The following ARB2A variants were observed in gnomAD, a reference collection of about 807,000 sequenced individuals.
ARB2A encodes ARB2 cotranscriptional regulator A.
the ARB2A span, among the ~76,000 whole-genome samples, chr5:94,022,850 G>A: frequency 6.6e-6 from 1 of 152,196 alleles, no homozygotes; most frequent in Non-Finnish European, 1.5e-5. Flanking sequence ...CTTCACAAGT[G>A]TACACTCAGT....
the ARB2A span, among the ~76,000 whole-genome samples, chr5:94,009,755 G>C: frequency 6.6e-6 from 1 of 151,940 alleles, no homozygotes; most frequent in Non-Finnish European, 1.5e-5. Context: ...ATTTGAGTGA[G>C]ATTTTGTTGT....
chr5:93,877,352 G>C, the ARB2A span, among the ~76,000 whole-genome samples: 118 of 152,224 alleles, frequency 7.8e-4, no homozygotes, highest in Admixed American at 1.4e-3. Context: ...TTATGCTCCA[G>C]TTTGATAACA....
the ARB2A span, among the ~76,000 whole-genome samples, chr5:94,032,626 A>G: frequency 6.6e-6 from 1 of 152,086 alleles, no homozygotes; most frequent in Admixed American, 6.5e-5. Context: ...CACAACCCCA[A>G]ACTGAGAGAC....
the ARB2A span, among the ~76,000 whole-genome samples, chr5:93,945,090 T>G: frequency 6.6e-6 from 1 of 152,056 alleles, no homozygotes; most frequent in African/African-American, 2.4e-5. Flanking sequence ...AAAAACCAGG[T>G]CATAATCTGA....
the ARB2A span, among the ~76,000 whole-genome samples, chr5:93,711,541 G>T: frequency 6.6e-6 from 1 of 152,130 alleles, no homozygotes; most frequent in Non-Finnish European, 1.5e-5. Flanking sequence ...TTCCGAAGAT[G>T]GCAAGTGAAG....
the ARB2A span, among the ~76,000 whole-genome samples, chr5:94,040,365 T>TA: frequency 6.6e-6 from 1 of 151,946 alleles, no homozygotes; most frequent in African/African-American, 2.4e-5. Flanking sequence ...TTTTTTTTTT[T>TA]AATTATATTT....
chr5:93,896,278 G>T, the ARB2A span, among the ~76,000 whole-genome samples: 1 of 152,170 alleles, frequency 6.6e-6, no homozygotes, highest in East Asian at 1.9e-4. Context: ...AATCCGTAAT[G>T]CTCCAAAATC....
the ARB2A span, among the ~76,000 whole-genome samples, chr5:93,624,563 A>C: frequency 1.3e-5 from 2 of 152,150 alleles, no homozygotes; most frequent in African/African-American, 4.8e-5. Context: ...TTCAGTATAA[A>C]AGTAAAATGT....
the ARB2A span, among the ~76,000 whole-genome samples, chr5:94,042,723 G>C: frequency 1.3e-5 from 2 of 152,112 alleles, no homozygotes; most frequent in Non-Finnish European, 2.9e-5. Context: ...CTTAAGAATT[G>C]GGTGTCACAT....
At chr5:94,037,819 T>C in the ARB2A span, among the ~76,000 whole-genome samples, 1,071 of 152,270 alleles carry the variant, frequency 7.0e-3, 17 homozygotes, top group African/African-American at 0.024. Flanking sequence ...AATACAGCCA[T>C]TGAAAAACTC....
the ARB2A span, among the ~76,000 whole-genome samples, chr5:93,897,915 T>C: frequency 6.6e-6 from 1 of 151,960 alleles, no homozygotes; most frequent in Non-Finnish European, 1.5e-5. Flanking sequence ...AGAATCTCCA[T>C]CGTTGTAACT....
chr5:94,044,621 C>T, the ARB2A span, among the ~76,000 whole-genome samples: 1 of 152,036 alleles, frequency 6.6e-6, no homozygotes, highest in African/African-American at 2.4e-5. Context: ...TGAAAAGGAG[C>T]TGGGTAAAAT....
the ARB2A span, chr5:93,805,104 T>C: frequency 9.2e-6 from 9 of 976,144 alleles, no homozygotes; most frequent in African/African-American, 1.8e-5. Flanking sequence ...ATGGTGTTAT[T>C]AGAAATTCTC....
the ARB2A span, among the ~76,000 whole-genome samples, chr5:94,094,370 G>A: frequency 4.4e-4 from 67 of 152,176 alleles, no homozygotes; most frequent in East Asian, 9.5e-3. Flanking sequence ...CTCTTCTTAC[G>A]AAGACACTAA....
At chr5:94,082,421 A>C in the ARB2A span, among the ~76,000 whole-genome samples, 1 of 152,234 alleles carries the variant, frequency 6.6e-6, no homozygotes, top group African/African-American at 2.4e-5. Flanking sequence ...CATTTGCTAC[A>C]GAAAAGAAAA....
At chr5:94,089,594 T>TACACACACACACACACACAC in the ARB2A span, among the ~76,000 whole-genome samples, 38 of 135,660 alleles carry the variant, frequency 2.8e-4, no homozygotes, top group African/African-American at 9.7e-4. Context: ...AAACCGTTTA[T>TACACACACACACACACACAC]ACACACACAC....
chr5:94,041,163 A>G, the ARB2A span, among the ~76,000 whole-genome samples: 1 of 151,740 alleles, frequency 6.6e-6, no homozygotes, highest in East Asian at 1.9e-4. Context: ...TATCTCCTGT[A>G]AAGTTTTGAT....
the ARB2A span, among the ~76,000 whole-genome samples, chr5:93,785,304 T>C: frequency 6.6e-6 from 1 of 152,180 alleles, no homozygotes; most frequent in African/African-American, 2.4e-5. Context: ...AAGAAAGCTA[T>C]AAAAATTGCA....
At chr5:93,707,871 G>A in the ARB2A span, among the ~76,000 whole-genome samples, 3 of 152,024 alleles carry the variant, frequency 2.0e-5, no homozygotes, top group Non-Finnish European at 1.5e-5. Context: ...CACCGCGCTC[G>A]ACCAGTATTT....
Sources: gnomAD v4.1 joint callset for allele counts (sites outside exome capture counted in the v4.1 genomes callset) on GRCh38, gnomAD v4.1.1 for gene constraint, MANE v1.5 for transcripts, NCBI Gene and HGNC (gene_info 2026-07-23, HGNC 2026-07-21) for gene names.